RNF182: variants seen among roughly 807,000 people sequenced by gnomAD.
The protein encoded by RNF182 is ring finger protein 182.
A neutral mutation model predicts 14.4 loss-of-function variants in RNF182; 15 were observed. The observed-to-expected ratio is 1.04, with a 90% CI of 0.70 to 1.60. The LOEUF is 1.60. Among genes scored for constraint, RNF182 ranks in the 40% most tolerant of loss-of-function variants. RNF182 has a pLI of 0.00. For synonymous variants in RNF182, 128 were observed against 122.9 expected (o/e 1.04, Z -0.27); for missense variants, 268 against 294.8 (o/e 0.91, Z 0.67).
At chr6:13,927,206 A>G (rs1256733134) in intron 1 of RNF182, among the ~76,000 whole-genome samples, 2 of 152,198 alleles carry the variant, frequency 1.3e-5, no homozygotes, top group Admixed American at 1.3e-4. Context: ...GGAAAACAAT[A>G]ATCTGGCATG....
At chr6:13,959,280 T>C (rs1380451778) in intron 1 of RNF182, among the ~76,000 whole-genome samples, 7 of 152,226 alleles carry the variant, frequency 4.6e-5, no homozygotes, top group African/African-American at 1.7e-4. Flanking sequence ...GTACTGTTCA[T>C]GGAACTTAAC....
intron 1 of RNF182, among the ~76,000 whole-genome samples, chr6:13,946,286 C>G (rs1365941150): frequency 6.6e-6 from 1 of 151,804 alleles, no homozygotes; most frequent in Non-Finnish European, 1.5e-5. Context: ...CCTGCCTCAG[C>G]CTCCTGAGCA....
chr6:13,972,499 C>T (rs188249331), intron 1 of RNF182, among the ~76,000 whole-genome samples: 1 of 152,238 alleles, frequency 6.6e-6, no homozygotes, highest in East Asian at 1.9e-4. Context: ...TTTATGGCAG[C>T]CCCTCCCATC....
chr6:13,945,424 A>G (rs532548749), intron 1 of RNF182, among the ~76,000 whole-genome samples: 1 of 152,294 alleles, frequency 6.6e-6, no homozygotes, highest in African/African-American at 2.4e-5. Context: ...AGATGATGGT[A>G]CTTCAGCAGT....
At chr6:13,972,451 C>T (rs1472627651) in intron 1 of RNF182, among the ~76,000 whole-genome samples, 1 of 152,124 alleles carries the variant, frequency 6.6e-6, no homozygotes, top group Non-Finnish European at 1.5e-5. Context: ...TGTTAATTGC[C>T]AAGACAATGG....
chr6:13,940,283 A>T (rs1759260500), intron 1 of RNF182, among the ~76,000 whole-genome samples: 1 of 152,074 alleles, frequency 6.6e-6, no homozygotes, highest in Non-Finnish European at 1.5e-5. Flanking sequence ...TTCCTCCTTT[A>T]TTTTGTCAAT....
intron 1 of RNF182, among the ~76,000 whole-genome samples, chr6:13,963,057 G>C (rs1289977121): frequency 1.3e-5 from 2 of 152,156 alleles, no homozygotes; most frequent in Non-Finnish European, 2.9e-5. Flanking sequence ...TTCAATGGAT[G>C]TTCATATGCC....
intron 1 of RNF182, among the ~76,000 whole-genome samples, chr6:13,965,730 A>G (rs1760006451): frequency 6.6e-6 from 1 of 152,228 alleles, no homozygotes; most frequent in Admixed American, 6.5e-5. Context: ...CTCACCACAC[A>G]GAAAGCCAAT....
chr6:13,938,044 C>T (rs1326080206), intron 1 of RNF182, among the ~76,000 whole-genome samples: 3 of 97,610 alleles, frequency 3.1e-5, no homozygotes, highest in South Asian at 7.4e-4. Flanking sequence ...GAGTTTCTGT[C>T]GTCGCCCAGG....
intron 1 of RNF182, among the ~76,000 whole-genome samples, chr6:13,938,218 C>T (rs545332874): frequency 1.2e-4 from 17 of 145,746 alleles, no homozygotes; most frequent in African/African-American, 3.3e-4. Flanking sequence ...GGGGTTTCAC[C>T]GTGATAGCCA....
intron 1 of RNF182, among the ~76,000 whole-genome samples, chr6:13,942,212 T>C (rs1394701575): frequency 4.6e-5 from 7 of 152,220 alleles, no homozygotes; most frequent in Admixed American, 4.6e-4. Flanking sequence ...TTCCTCTGTG[T>C]GTTAAAAATT....
intron 1 of RNF182, among the ~76,000 whole-genome samples, chr6:13,973,334 T>G (rs932314293): frequency 4.6e-5 from 7 of 152,156 alleles, no homozygotes; most frequent in African/African-American, 1.7e-4. Flanking sequence ...TTTGAGTTAA[T>G]GTTGAAATGA....
chr6:13,925,096 C>T (rs1758787059), intron 1 of RNF182, 73 bp downstream of exon 1: 1 of 24,588 alleles, frequency 4.1e-5, no homozygotes, highest in Admixed American at 4.5e-4. Context: ...GGGCAGCAGC[C>T]AGCCCCGCAG....
intron 1 of RNF182, among the ~76,000 whole-genome samples, chr6:13,936,184 C>T (rs567018650): frequency 2.0e-5 from 3 of 152,310 alleles, no homozygotes; most frequent in Admixed American, 6.5e-5. Context: ...ACCACCAGGC[C>T]CCGCCTCCAA....
intron 1 of RNF182, among the ~76,000 whole-genome samples, chr6:13,966,209 T>A (rs1386404199): frequency 6.6e-6 from 1 of 152,100 alleles, no homozygotes; most frequent in Admixed American, 6.5e-5. Context: ...AGAAATATCA[T>A]CACCTATTTT....
chr6:13,974,477 T>C (rs1760274151), intron 2 of RNF182, 113 bp downstream of exon 2: 1 of 152,244 alleles, frequency 6.6e-6, no homozygotes, highest in African/African-American at 2.4e-5. Flanking sequence ...CATAACACTC[T>C]ATCTTAACAT....
At chr6:13,932,426 G>C (rs141267742) in intron 1 of RNF182, among the ~76,000 whole-genome samples, 3 of 152,090 alleles carry the variant, frequency 2.0e-5, no homozygotes, top group African/African-American at 7.2e-5. Context: ...GAACAGATTG[G>C]ATTTCTTAAA....
chr6:13,953,247 C>G (rs759582661), intron 1 of RNF182, among the ~76,000 whole-genome samples: 10 of 152,214 alleles, frequency 6.6e-5, no homozygotes, highest in Non-Finnish European at 1.2e-4. Flanking sequence ...AGGAGTCACT[C>G]TAGTTTGAAC....
intron 1 of RNF182, among the ~76,000 whole-genome samples, chr6:13,947,755 C>T (rs1442751053): frequency 1.3e-5 from 2 of 152,092 alleles, no homozygotes; most frequent in Non-Finnish European, 2.9e-5. Flanking sequence ...CTTTAATTGG[C>T]TCTATAAATG....
Sources: gnomAD v4.1 joint callset for allele counts (sites outside exome capture counted in the v4.1 genomes callset) on GRCh38, gnomAD v4.1.1 for gene constraint, MANE v1.5 for transcripts, NCBI Gene and HGNC (gene_info 2026-07-23, HGNC 2026-07-21) for gene names.